SLC4A10: variants seen among roughly 807,000 people sequenced by gnomAD.
SLC4A10 encodes the protein sodium-driven chloride bicarbonate exchanger.
SLC4A10 carries 42 observed loss-of-function variants against 137.7 expected under a neutral mutation model. That is an observed-to-expected ratio of 0.30 (90% CI 0.24 to 0.39). SLC4A10 has a LOEUF of 0.39. Ranked by LOEUF, SLC4A10 falls within the 10% of genes least tolerant of loss-of-function variation. The pLI, the probability that SLC4A10 is intolerant of heterozygous loss-of-function variation, is 1.00. For synonymous variants in SLC4A10, 474 were observed against 464.1 expected, an observed-to-expected ratio of 1.02 and a Z score of -0.27; for missense variants, 925 against 1,355.0, an observed-to-expected ratio of 0.68 and a Z score of 4.98.
At chr2:161,870,304 A>G (rs1210660597) in intron 6 of SLC4A10, among the ~76,000 whole-genome samples, 1 of 151,664 alleles carries the variant, frequency 6.6e-6, no homozygotes. Flanking sequence ...TTCAAATGTT[A>G]AGTTCCGCAT....
At chr2:161,881,616 G>A (rs2061787393) in intron 9 of SLC4A10, among the ~76,000 whole-genome samples, 2 of 151,992 alleles carry the variant, frequency 1.3e-5, no homozygotes, top group East Asian at 3.9e-4. Context: ...CAGAATATAG[G>A]GCATTCTTTA....
intron 13 of SLC4A10, 150 bp downstream of exon 13, chr2:161,904,328 G>A: frequency 1.2e-6 from 1 of 834,224 alleles, no homozygotes; most frequent in South Asian, 2.0e-5. Context: ...TTCCTGGATG[G>A]CTAGTGGAAC....
At chr2:161,943,391 CT>C (rs768187814) in intron 16 of SLC4A10, among the ~76,000 whole-genome samples, 10 of 151,968 alleles carry the variant, frequency 6.6e-5, no homozygotes, top group Non-Finnish European at 1.3e-4. Flanking sequence ...CAAGATCTTT[CT>C]TTTTTCCATT....
chr2:161,689,008 T>A (rs947748630), intron 1 of SLC4A10, among the ~76,000 whole-genome samples: 1 of 152,102 alleles, frequency 6.6e-6, no homozygotes, highest in South Asian at 2.1e-4. Context: ...AGAACAAAAA[T>A]TTTTAAAAAT....
rs149371018 is a variant in SLC4A10 at position 161,649,552 on chromosome 2, C to T, written c.48+24986C>T. On this transcript the variant is annotated intron_variant, in intron 1 of 26. Coordinates refer to ENST00000446997, the MANE Select transcript of SLC4A10 (RefSeq NM_001178015.2). ...GATTCTTAAGACTTATAGATTCTGACATTTTGTTTATTAATTATATTTCAA... is the reference window on the plus strand; with the variant it reads ...GATTCTTAAGACTTATAGATTCTGATATTTTGTTTATTAATTATATTTCAA... 1.3e-4 allele frequency among the ~76,000 whole-genome samples: 20 copies of T among 152,066 alleles called. No individual in the cohort carries two copies. The East Asian group carries it at 3.7e-3, about 28-fold the overall frequency.
intron 1 of SLC4A10, among the ~76,000 whole-genome samples, chr2:161,758,477 C>G (rs2049906395): frequency 6.6e-6 from 1 of 151,888 alleles, no homozygotes; most frequent in African/African-American, 2.4e-5. Flanking sequence ...TATTTCCACT[C>G]TGCTTTGATT....
chr2:161,895,097 T>C (rs564846595), intron 11 of SLC4A10, among the ~76,000 whole-genome samples: 185 of 127,824 alleles, frequency 1.4e-3, no homozygotes, highest in African/African-American at 4.2e-3. Flanking sequence ...CAGAGTGTGA[T>C]GTTCCCCTTC....
At chr2:161,928,939 A>G (rs979032393) in intron 15 of SLC4A10, among the ~76,000 whole-genome samples, 1 of 152,196 alleles carries the variant, frequency 6.6e-6, no homozygotes, top group Non-Finnish European at 1.5e-5. Context: ...CGATAGTGCT[A>G]TCTTTCTCCC....
At chr2:161,823,223 A>G (rs1215897089) in intron 3 of SLC4A10, among the ~76,000 whole-genome samples, 1 of 152,214 alleles carries the variant, frequency 6.6e-6, no homozygotes, top group East Asian at 1.9e-4. Context: ...GCATGGTGTC[A>G]TTGGCAACTG....
At chr2:161,722,904 G>A (rs1420540722) in intron 1 of SLC4A10, among the ~76,000 whole-genome samples, 1 of 152,200 alleles carries the variant, frequency 6.6e-6, no homozygotes, top group Non-Finnish European at 1.5e-5. Flanking sequence ...TGCCCTGCCT[G>A]GTGAGGAGGG....
intron 1 of SLC4A10, among the ~76,000 whole-genome samples, chr2:161,635,175 T>A (rs901505158): frequency 6.6e-6 from 1 of 152,006 alleles, no homozygotes; most frequent in Admixed American, 6.6e-5. Flanking sequence ...GTATTTTTTT[T>A]AAGATTCACA....
intron 2 of SLC4A10, among the ~76,000 whole-genome samples, chr2:161,785,695 CA>C (rs1227913302): frequency 2.0e-5 from 3 of 151,656 alleles, no homozygotes; most frequent in African/African-American, 7.3e-5. Context: ...TAGCTCAACA[CA>C]ATAAAGGCCA....
At chr2:161,845,411 C>T (rs1463069754) in intron 4 of SLC4A10, among the ~76,000 whole-genome samples, 2 of 151,964 alleles carry the variant, frequency 1.3e-5, no homozygotes, top group African/African-American at 4.8e-5. Flanking sequence ...GTACCTTCTG[C>T]CTCCTCCTAT....
intron 2 of SLC4A10, among the ~76,000 whole-genome samples, chr2:161,782,725 A>G (rs1381551177): frequency 2.0e-5 from 3 of 147,354 alleles, no homozygotes; most frequent in Admixed American, 1.4e-4. Context: ...GAGGGATTCA[A>G]CAACATACTA....
chr2:161,919,295 G>T (rs554587599), intron 15 of SLC4A10, among the ~76,000 whole-genome samples: 1 of 152,214 alleles, frequency 6.6e-6, no homozygotes, highest in East Asian at 1.9e-4. Flanking sequence ...AGGCAGACAG[G>T]CTCCTGGGCA....
chr2:161,942,172 T>C (rs1340776853), intron 15 of SLC4A10, among the ~76,000 whole-genome samples: 1 of 152,192 alleles, frequency 6.6e-6, no homozygotes, highest in African/African-American at 2.4e-5. Flanking sequence ...TTACAAGTTA[T>C]GTGGTATATG....
At chr2:161,945,604 A>T (rs1489979556) in intron 16 of SLC4A10, among the ~76,000 whole-genome samples, 1 of 151,574 alleles carries the variant, frequency 6.6e-6, no homozygotes, top group African/African-American at 2.4e-5. Flanking sequence ...GTGTGCATGT[A>T]TGTATGTGTG....
At chr2:161,733,118 G>A (rs781645119) in intron 1 of SLC4A10, among the ~76,000 whole-genome samples, 11 of 152,164 alleles carry the variant, frequency 7.2e-5, no homozygotes, top group Non-Finnish European at 1.3e-4. Context: ...ATTCAAGCAG[G>A]CTGCATAAAT....
chr2:161,629,494 C>T (rs1277728313), intron 1 of SLC4A10, among the ~76,000 whole-genome samples: 2 of 151,870 alleles, frequency 1.3e-5, no homozygotes, highest in African/African-American at 4.8e-5. Context: ...CTTACACATA[C>T]ATAGCTCCCC....
Sources: gnomAD v4.1 joint callset for allele counts (sites outside exome capture counted in the v4.1 genomes callset) on GRCh38, gnomAD v4.1.1 for gene constraint, MANE v1.5 for transcripts, NCBI Gene and HGNC (gene_info 2026-07-23, HGNC 2026-07-21) for gene names.